CCSER1: variants seen among roughly 807,000 people sequenced by gnomAD.
CCSER1 encodes coiled-coil serine rich protein 1, also known as serine-rich coiled-coil domain-containing protein 1.
Under a neutral mutation model 82.0 loss-of-function variants are expected in CCSER1, and 41 were observed. That is an observed-to-expected ratio of 0.50 (90% CI 0.39 to 0.65). The LOEUF (loss-of-function observed/expected upper bound fraction) is 0.65, where lower values mean the gene tolerates loss of function less well. Ranked by LOEUF, CCSER1 falls within the 30% of genes least tolerant of loss-of-function variation. CCSER1 has a pLI of 0.00. For synonymous variants in CCSER1, 414 were observed against 383.9 expected (o/e 1.08, Z -0.92); for missense variants, 1,119 against 1,064.2 (o/e 1.05, Z -0.72).
chr4:91,463,386 A>G (rs774694364), intron 10 of CCSER1, among the ~76,000 whole-genome samples: 13 of 152,210 alleles, frequency 8.5e-5, no homozygotes, highest in Non-Finnish European at 1.9e-4. Context: ...CCAAAGGTAG[A>G]TAAAACCACA....
chr4:91,479,984 T>C (rs1156757643), intron 10 of CCSER1, among the ~76,000 whole-genome samples: 8 of 133,472 alleles, frequency 6.0e-5, no homozygotes, highest in African/African-American at 1.1e-4. Flanking sequence ...TGAGTGAGAA[T>C]ATGCAGTGTT....
At chr4:90,143,426 T>C (rs886515096) in intron 1 of CCSER1, among the ~76,000 whole-genome samples, 6 of 151,436 alleles carry the variant, frequency 4.0e-5, no homozygotes, top group Non-Finnish European at 7.4e-5. Context: ...ATAAACTTCC[T>C]GAGAACACAG....
intron 10 of CCSER1, among the ~76,000 whole-genome samples, chr4:91,467,593 A>G (rs1246003047): frequency 6.6e-6 from 1 of 152,214 alleles, no homozygotes; most frequent in Admixed American, 6.5e-5. Context: ...AATTTTTGCA[A>G]TCTACTCATC....
At chr4:91,238,103 T>G (rs933780309) in intron 10 of CCSER1, among the ~76,000 whole-genome samples, 1 of 152,176 alleles carries the variant, frequency 6.6e-6, no homozygotes, top group Non-Finnish European at 1.5e-5. Flanking sequence ...CGCTCTTCTT[T>G]AGTGTCAACA....
At chr4:90,664,436 T>G (rs1438276638) in intron 6 of CCSER1, among the ~76,000 whole-genome samples, 1 of 152,174 alleles carries the variant, frequency 6.6e-6, no homozygotes, top group Non-Finnish European at 1.5e-5. Context: ...GAGTTTTTTT[T>G]GTCAAAAGCA....
chr4:91,190,296 G>T (rs952184295), intron 10 of CCSER1, among the ~76,000 whole-genome samples: 1 of 152,096 alleles, frequency 6.6e-6, no homozygotes, highest in South Asian at 2.1e-4. Context: ...TAGAGTTTTA[G>T]TTACCCCAGA....
intron 10 of CCSER1, among the ~76,000 whole-genome samples, chr4:91,556,993 T>G (rs781749997): frequency 6.6e-6 from 1 of 151,170 alleles, no homozygotes; most frequent in East Asian, 1.9e-4. Flanking sequence ...TAAATAGTTT[T>G]CTTTATCCCT....
At chr4:90,302,245 T>A (rs1733285551) in intron 1 of CCSER1, among the ~76,000 whole-genome samples, 1 of 152,158 alleles carries the variant, frequency 6.6e-6, no homozygotes, top group Non-Finnish European at 1.5e-5. Context: ...TTAAGAAGCT[T>A]AAGACAAAAT....
At chr4:90,312,502 G>A (rs1405601207) in intron 2 of CCSER1, among the ~76,000 whole-genome samples, 1 of 152,164 alleles carries the variant, frequency 6.6e-6, no homozygotes, top group Non-Finnish European at 1.5e-5. Context: ...ATGAGAGTAG[G>A]CAGAGGTAGG....
chr4:90,911,985 C>T (rs939342187), intron 8 of CCSER1, among the ~76,000 whole-genome samples: 2 of 152,202 alleles, frequency 1.3e-5, no homozygotes, highest in African/African-American at 4.8e-5. Context: ...AGCCTGGAAG[C>T]TGGAATTGGG....
At chr4:91,566,103 G>C (rs981872512) in intron 10 of CCSER1, among the ~76,000 whole-genome samples, 2 of 151,970 alleles carry the variant, frequency 1.3e-5, no homozygotes, top group African/African-American at 4.8e-5. Flanking sequence ...ACATGAAGGA[G>C]TGTTGAATTT....
At chr4:90,263,562 G>C (rs573370354) in intron 1 of CCSER1, among the ~76,000 whole-genome samples, 3 of 152,160 alleles carry the variant, frequency 2.0e-5, no homozygotes, top group South Asian at 2.1e-4. Context: ...GTTGATAGCC[G>C]AAGTCACACA....
At chr4:90,647,189 TG>T (rs1478199562) in intron 6 of CCSER1, among the ~76,000 whole-genome samples, 23 of 152,230 alleles carry the variant, frequency 1.5e-4, no homozygotes, top group Admixed American at 1.4e-3. Context: ...GTAGTTTAAC[TG>T]CTGTTTTCTG....
intron 6 of CCSER1, among the ~76,000 whole-genome samples, chr4:90,710,302 G>GT (rs544901718): frequency 1.3e-4 from 19 of 151,088 alleles, no homozygotes; most frequent in African/African-American, 1.9e-4. Flanking sequence ...GTTTTGTTTT[G>GT]TTTTTTGCTG....
intron 10 of CCSER1, among the ~76,000 whole-genome samples, chr4:91,166,106 T>A (rs1732034927): frequency 6.6e-6 from 1 of 152,218 alleles, no homozygotes; most frequent in South Asian, 2.1e-4. Context: ...TTTTAAAAAG[T>A]TACAGTTTTA....
intron 6 of CCSER1, among the ~76,000 whole-genome samples, chr4:90,687,175 T>C (rs1161979994): frequency 2.6e-5 from 4 of 152,214 alleles, no homozygotes; most frequent in Non-Finnish European, 5.9e-5. Context: ...TTCAGAATTA[T>C]TCTCTCAATG....
chr4:91,080,245 A>T (rs1015776209), intron 9 of CCSER1, among the ~76,000 whole-genome samples: 4 of 152,186 alleles, frequency 2.6e-5, no homozygotes, highest in Non-Finnish European at 5.9e-5. Context: ...ATCAAACTAG[A>T]ACTCAGGATT....
At chr4:90,445,243 T>G (rs1365326948) in intron 4 of CCSER1, among the ~76,000 whole-genome samples, 1 of 152,096 alleles carries the variant, frequency 6.6e-6, no homozygotes, top group African/African-American at 2.4e-5. Flanking sequence ...AATCTGGAAC[T>G]TCATGGATCT....
chr4:91,116,818 A>G (rs1726660577), intron 10 of CCSER1, among the ~76,000 whole-genome samples: 1 of 152,198 alleles, frequency 6.6e-6, no homozygotes, highest in Non-Finnish European at 1.5e-5. Flanking sequence ...AGTTTTACCG[A>G]GTGGGAAGTT....
Sources: gnomAD v4.1 joint callset for allele counts (sites outside exome capture counted in the v4.1 genomes callset) on GRCh38, gnomAD v4.1.1 for gene constraint, MANE v1.5 for transcripts, NCBI Gene and HGNC (gene_info 2026-07-23, HGNC 2026-07-21) for gene names.